The following CABYR variants were observed in gnomAD, a reference collection of about 807,000 sequenced individuals.
CABYR encodes the protein calcium-binding tyrosine phosphorylation-regulated protein.
CABYR carries 31 observed loss-of-function variants against 36.1 expected under a neutral mutation model. The observed-to-expected ratio is 0.86, with a 90% CI of 0.64 to 1.16. The LOEUF (loss-of-function observed/expected upper bound fraction) is 1.16, where lower values mean the gene tolerates loss of function less well. Ranked by LOEUF, CABYR falls within the 50% of genes most tolerant of loss-of-function variation. The pLI is 0.00. For missense variants in CABYR, 429 were observed against 455.8 expected (o/e 0.94, Z 0.53); for synonymous variants, 146 against 160.7 (o/e 0.91, Z 0.69).
At chr18:24,148,291 G>A (rs776060486) in intron 3 of CABYR, among the ~76,000 whole-genome samples, 3 of 152,020 alleles carry the variant, frequency 2.0e-5, no homozygotes, top group South Asian at 2.1e-4. Flanking sequence ...CTACATCTAC[G>A]AATACTCTCA....
chr18:24,144,858 A>G (rs749651101), intron 3 of CABYR, among the ~76,000 whole-genome samples: 1 of 152,230 alleles, frequency 6.6e-6, no homozygotes, highest in Non-Finnish European at 1.5e-5. Context: ...GGAAACAAGC[A>G]TTTTAATGCA....
intron 3 of CABYR, among the ~76,000 whole-genome samples, chr18:24,147,400 G>T (rs1222652622): frequency 6.6e-6 from 1 of 152,050 alleles, no homozygotes; most frequent in African/African-American, 2.4e-5. Flanking sequence ...TTCCCCTCAA[G>T]ATTGGGACCA....
Position 24,155,731 on chromosome 18 carries a change from A to G in CABYR, c.230A>G (p.Gln77Arg). The change falls in exon 4 of 6, where the codon CAG becomes CGG. Residue 77 changes from glutamine (Q) to arginine (R), a missense_variant. Physicochemically the swap from Gln to Arg is conservative, Grantham distance 43. Coordinates refer to ENST00000399496, the MANE Select transcript of CABYR (RefSeq NM_153769.3). Reference protein sequence around the residue: ...VEKWSEGTTPQKKLECLKEPG... With the variant: ...VEKWSEGTTPRKKLECLKEPG... Reference sequence around the variant, plus strand: ...AAATGGTCAGAAGGAACGACACCACAGAAGAAATTAGAATGTTTAAAAGAA... The same window carrying G: ...AAATGGTCAGAAGGAACGACACCACGGAAGAAATTAGAATGTTTAAAAGAA... The G allele has an allele frequency of 6.2e-7, 1 of 1,609,588 alleles. No individual in the cohort carries two copies. The highest frequency in any genetic ancestry group is 8.5e-7 in the Non-Finnish European group (1 of 1,178,216).
At chr18:24,156,716 A>G in intron 4 of CABYR, 1 of 1,614,230 alleles carries the variant, frequency 6.2e-7, no homozygotes, top group Non-Finnish European at 8.5e-7. Context: ...TCCTGGATGC[A>G]GAAGGTGCTA....
chr18:24,148,904 C>CA (rs1220634654), intron 3 of CABYR, among the ~76,000 whole-genome samples: 2 of 152,072 alleles, frequency 1.3e-5, no homozygotes, highest in East Asian at 1.9e-4. Context: ...AGAGGAAAAA[C>CA]AAAGCTTCCA....
intron 5 of CABYR, among the ~76,000 whole-genome samples, chr18:24,160,578 C>T (rs373474763): frequency 2.0e-5 from 3 of 152,314 alleles, no homozygotes; most frequent in African/African-American, 7.2e-5. Context: ...GTGGATGAGA[C>T]AGTTTGATCA....
chr18:24,143,439 T>A (rs1318178135), intron 3 of CABYR, 26 bp downstream of exon 3: 30 of 1,314,488 alleles, frequency 2.3e-5, no homozygotes, highest in Non-Finnish European at 3.2e-5. Flanking sequence ...AGTAATAGTT[T>A]TAATAATGAT....
At chr18:24,154,529 T>G (rs547012849) in intron 3 of CABYR, among the ~76,000 whole-genome samples, 73 of 152,370 alleles carry the variant, frequency 4.8e-4, no homozygotes, top group African/African-American at 1.7e-3. Context: ...TTATAAAACA[T>G]CAGCAGCCAA....
Position 24,159,507 on chromosome 18 carries a change from T to A in CABYR, c.577T>A (p.Cys193Ser). ...ATSERGQPPP[C>S]SNMWTLYCLT... is the part of the protein sequence containing the mutation. ...AAGTGAACGAGGACAACCACCACCA[T>A]GTTCTAACATGTGGACCCTTTATTG... Residue 193 changes from cysteine to serine, a missense_variant, in exon 5 of 6, where the codon TGT becomes AGT. Physicochemically the swap from Cys to Ser is moderately radical, Grantham distance 112 (BLOSUM62 -1). Coordinates refer to ENST00000399496, the MANE Select transcript of CABYR (RefSeq NM_153769.3). The A allele has an allele frequency of 1.2e-6, 2 of 1,613,960 alleles. No homozygotes were observed. Among genetic ancestry groups the A allele is most frequent in the South Asian group, 2.2e-5 (2 of 91,036 alleles).
chr18:24,150,548 TA>T (rs2085594245), intron 3 of CABYR: 1 of 979,230 alleles, frequency 1.0e-6, no homozygotes, highest in African/African-American at 1.8e-5. Flanking sequence ...ATGGTGCAAC[TA>T]ATGTTTGTTG....
chr18:24,140,334 G>A (rs566583886), intron 1 of CABYR: 66 of 152,292 alleles, frequency 4.3e-4, no homozygotes, highest in Middle Eastern at 3.4e-3. Flanking sequence ...GTATCAAATA[G>A]TATGTATGTA....
At chr18:24,160,617 C>A (rs1567906466) in intron 5 of CABYR, among the ~76,000 whole-genome samples, 1 of 152,176 alleles carries the variant, frequency 6.6e-6, no homozygotes, top group Non-Finnish European at 1.5e-5. Flanking sequence ...ATTTTTCATT[C>A]ATACTTAATG....
At chr18:24,154,472 G>A (rs2085720991) in intron 3 of CABYR, among the ~76,000 whole-genome samples, 1 of 152,236 alleles carries the variant, frequency 6.6e-6, no homozygotes, top group Admixed American at 6.5e-5. Context: ...CTGCATGTGA[G>A]CATTTGGTAT....
chr18:24,157,039 G>C (rs2145883017), intron 4 of CABYR: 2 of 1,477,014 alleles, frequency 1.4e-6, no homozygotes, highest in Non-Finnish European at 1.9e-6. Flanking sequence ...TTGCATTTCA[G>C]GTGACATCTG....
chr18:24,157,596 G>A (rs1418853572), intron 4 of CABYR, among the ~76,000 whole-genome samples: 1 of 152,114 alleles, frequency 6.6e-6, no homozygotes, highest in Non-Finnish European at 1.5e-5. Context: ...GAGCCGGGAG[G>A]TATCAGCAGC....
intron 4 of CABYR, among the ~76,000 whole-genome samples, chr18:24,158,743 G>T (rs1167842129): frequency 6.6e-6 from 1 of 152,158 alleles, no homozygotes; most frequent in Non-Finnish European, 1.5e-5. Flanking sequence ...CCTTTTGTCC[G>T]AGGGCCCATC....
intron 3 of CABYR, among the ~76,000 whole-genome samples, chr18:24,149,844 C>A (rs964144990): frequency 6.6e-6 from 1 of 152,232 alleles, no homozygotes; most frequent in African/African-American, 2.4e-5. Flanking sequence ...GCCCGCTGCT[C>A]GGAATGCGGG....
chr18:24,147,252 CAAAAAA>C (rs5823414), intron 3 of CABYR, among the ~76,000 whole-genome samples: 1 of 96,456 alleles, frequency 1.0e-5, no homozygotes, highest in Non-Finnish European at 1.9e-5. Flanking sequence ...AACCATGTCT[CAAAAAA>C]AAAAAAAAAA....
intron 3 of CABYR, among the ~76,000 whole-genome samples, chr18:24,144,117 C>T (rs559377084): frequency 5.5e-4 from 83 of 152,202 alleles, no homozygotes; most frequent in South Asian, 1.9e-3. Context: ...AGGCTGGTCT[C>T]GAACTCCTGA....
Sources: allele counts gnomAD v4.1 joint callset (sites outside exome capture counted in the v4.1 genomes callset), GRCh38; gene constraint gnomAD v4.1.1; transcripts MANE v1.5; gene names NCBI Gene and HGNC (gene_info 2026-07-23, HGNC 2026-07-21).